The following IQCB1 variants were observed in gnomAD, a reference collection of about 807,000 sequenced individuals.
IQCB1 encodes the protein IQ calmodulin-binding motif-containing protein 1.
IQCB1 carries 56 observed loss-of-function variants against 84.4 expected under a neutral mutation model. The observed-to-expected ratio is 0.66, with a 90% CI of 0.54 to 0.83. The LOEUF is 0.83. Ranked by LOEUF, IQCB1 falls within the 40% of genes least tolerant of loss-of-function variation. The pLI is 0.00. For synonymous variants in IQCB1, 210 were observed against 234.8 expected, an observed-to-expected ratio of 0.89 and a Z score of 0.96; for missense variants, 629 against 682.1, an observed-to-expected ratio of 0.92 and a Z score of 0.87.
intron 12 of IQCB1, among the ~76,000 whole-genome samples, chr3:121,783,354 A>C (rs1414901404): frequency 1.3e-5 from 2 of 151,958 alleles, no homozygotes; most frequent in African/African-American, 4.8e-5. Context: ...GAAAGGTATG[A>C]ATTTAGCTAT....
At chr3:121,828,657 A>G (rs757399319) in intron 3 of IQCB1, 25 bp from the exon 4 acceptor site, 1 of 1,541,444 alleles carries the variant, frequency 6.5e-7, no homozygotes, top group Non-Finnish European at 9.0e-7. Flanking sequence ...AATAAGATAT[A>G]TTTATTTTTG....
chr3:121,810,694 G>A (rs1232335942), intron 5 of IQCB1, among the ~76,000 whole-genome samples: 1 of 152,084 alleles, frequency 6.6e-6, no homozygotes, highest in Non-Finnish European at 1.5e-5. Flanking sequence ...AATGGTCTGA[G>A]CTATTAATGG....
chr3:121,821,711 C>T (rs1950280363), intron 5 of IQCB1, among the ~76,000 whole-genome samples: 1 of 152,054 alleles, frequency 6.6e-6, no homozygotes, highest in Non-Finnish European at 1.5e-5. Context: ...CTTTTGCTGA[C>T]CAAATGTATA....
intron 5 of IQCB1, among the ~76,000 whole-genome samples, chr3:121,825,127 C>T (rs1419526524): frequency 2.1e-5 from 3 of 146,100 alleles, no homozygotes; most frequent in East Asian, 2.0e-4. Flanking sequence ...ATGGCACTAT[C>T]TTGGCTCACT....
At chr3:121,815,441 C>T (rs575396748) in intron 5 of IQCB1, among the ~76,000 whole-genome samples, 6 of 151,998 alleles carry the variant, frequency 3.9e-5, no homozygotes, top group East Asian at 3.9e-4. Context: ...AAAGTGTATT[C>T]GAATAGGAAG....
At chr3:121,810,750 C>G (rs971170723) in intron 5 of IQCB1, among the ~76,000 whole-genome samples, 1 of 152,010 alleles carries the variant, frequency 6.6e-6, no homozygotes, top group African/African-American at 2.4e-5. Context: ...ACAGTGAAAT[C>G]CAGTGATTTG....
chr3:121,788,548 C>A, intron 11 of IQCB1, 116 bp from the exon 12 acceptor site: 1 of 1,038,530 alleles, frequency 9.6e-7, no homozygotes, highest in Non-Finnish European at 1.5e-6. Context: ...CAATATTGTT[C>A]ACTAATTTTC....
In IQCB1 at chr3:121,797,180, G is replaced by C. The variant is rs760296374; in HGVS notation, c.814C>G (p.Gln272Glu). 2.9e-5 allele frequency: 46 copies of C among 1,609,874 alleles called. No individual in the cohort carries two copies. The highest frequency in any genetic ancestry group is 3.6e-5 in the Non-Finnish European group (42 of 1,177,772). ...AGGCCAACAAGCTGTCTAAGTTCTTGACTGAATTCAGTCCCAGTTTCCTGT... is the reference window on the plus strand; with the variant it reads ...AGGCCAACAAGCTGTCTAAGTTCTTCACTGAATTCAGTCCCAGTTTCCTGT... ...SKQETGTEFS[Q>E]ELRQLVGLLS... Residue 272 changes from glutamine (Q) to glutamate (E), a missense_variant, in exon 9 of 15, where the codon CAA becomes GAA. By Grantham distance (29) the Gln-to-Glu change is conservative. Transcript: ENST00000310864.
At chr3:121,790,786 A>C (rs57648549) in intron 10 of IQCB1, among the ~76,000 whole-genome samples, 698 of 20,950 alleles carry the variant, frequency 0.033, 4 homozygotes, top group Middle Eastern at 0.11. Flanking sequence ...TACTTACACA[A>C]AAAAAAAATA....
In IQCB1 at chr3:121,828,633, C is replaced by T. The variant is rs1372024420; in HGVS notation, c.101-1G>A. On this transcript the variant is annotated splice_acceptor_variant, in intron 3 of 14. Transcript: ENST00000310864. LOFTEE classifies it high-confidence loss of function. ...CCTAAAGGTGTGATGTTTATTATTT[C>T]TAAGGCAAAAGGAAATAAGATATAT... 8 of 1,586,426 alleles carry T rather than the reference C, an allele frequency of 5.0e-6. No homozygotes were observed. In the South Asian group the frequency reaches 8.9e-5, roughly 18 times the overall value.
chr3:121,779,366 T>C (rs1181727809), intron 13 of IQCB1, among the ~76,000 whole-genome samples: 1 of 152,192 alleles, frequency 6.6e-6, no homozygotes, highest in Non-Finnish European at 1.5e-5. Flanking sequence ...GTACAGTATC[T>C]ACTAGTATGG....
At chr3:121,787,252 A>G (rs1399719210) in intron 12 of IQCB1, among the ~76,000 whole-genome samples, 1 of 134,502 alleles carries the variant, frequency 7.4e-6, no homozygotes, top group Non-Finnish European at 1.6e-5. Context: ...CACAGTAGAA[A>G]ACTGAAATTG....
chr3:121,775,279 G>T (rs529516697), intron 13 of IQCB1, among the ~76,000 whole-genome samples: 1 of 152,044 alleles, frequency 6.6e-6, no homozygotes, highest in East Asian at 1.9e-4. Flanking sequence ...ATACACCATG[G>T]AATACTATGC....
intron 13 of IQCB1, among the ~76,000 whole-genome samples, chr3:121,778,207 C>T (rs574498925): frequency 6.6e-6 from 1 of 152,212 alleles, no homozygotes; most frequent in Admixed American, 6.5e-5. Flanking sequence ...CAGCATCTGG[C>T]TTTGCCCACT....
intron 5 of IQCB1, among the ~76,000 whole-genome samples, chr3:121,821,038 T>C (rs1478534915): frequency 6.6e-6 from 1 of 152,032 alleles, no homozygotes; most frequent in East Asian, 1.9e-4. Flanking sequence ...TTGCCAAAGC[T>C]GGTGTGCGGT....
intron 7 of IQCB1, among the ~76,000 whole-genome samples, chr3:121,802,757 T>C (rs1949455944): frequency 6.6e-6 from 1 of 152,198 alleles, no homozygotes; most frequent in East Asian, 1.9e-4. Flanking sequence ...AGGTCAATGA[T>C]TTGAGATTTT....
rs1950398326 is a variant in IQCB1 at position 121,824,665 on chromosome 3, GA to G, written c.393+1385del. On this transcript the variant is annotated intron_variant, in intron 5 of 14. Transcript: ENST00000310864. ...AATGATAATAGCTTTCATTCATCCAGAAGATATAATATTCCTAAATGTGTAT... is the reference window on the plus strand; with the variant it reads ...AATGATAATAGCTTTCATTCATCCAGAGATATAATATTCCTAAATGTGTAT... Among the ~76,000 whole-genome samples, 3 of 149,270 alleles carry G rather than the reference GA, an allele frequency of 2.0e-5. No individual in the cohort carries two copies. The South Asian group carries it at 6.3e-4, about 31-fold the overall frequency.
At chr3:121,815,928 CAA>C (rs36019026) in intron 5 of IQCB1, among the ~76,000 whole-genome samples, 142 of 88,752 alleles carry the variant, frequency 1.6e-3, no homozygotes, top group African/African-American at 4.7e-3. Flanking sequence ...CATGTGGAAC[CAA>C]AAAAAAAAAA....
intron 13 of IQCB1, among the ~76,000 whole-genome samples, chr3:121,775,473 G>A (rs781355607): frequency 3.3e-5 from 5 of 152,142 alleles, no homozygotes; most frequent in Non-Finnish European, 4.4e-5. Flanking sequence ...GGGGCCTATC[G>A]TGGGGTAGGG....
Sources: allele counts gnomAD v4.1 joint callset (sites outside exome capture counted in the v4.1 genomes callset), GRCh38; gene constraint gnomAD v4.1.1; transcripts MANE v1.5; gene names NCBI Gene and HGNC (gene_info 2026-07-23, HGNC 2026-07-21).